The following TUSC3 variants were observed in gnomAD, a reference collection of about 807,000 sequenced individuals.
TUSC3 encodes the protein dolichyl-diphosphooligosaccharide--protein glycosyltransferase subunit TUSC3.
In TUSC3, 45 loss-of-function variants were observed where a neutral mutation model predicts 44.8. That is an observed-to-expected ratio of 1.00 (90% CI 0.79 to 1.29). The LOEUF (loss-of-function observed/expected upper bound fraction) is 1.29, where lower values mean the gene tolerates loss of function less well. Ranked by LOEUF, TUSC3 falls within the 50% of genes most tolerant of loss-of-function variation. TUSC3 has a pLI of 0.00. For synonymous variants in TUSC3, 212 were observed against 152.9 expected (o/e 1.39, Z -2.85); for missense variants, 519 against 437.9 (o/e 1.19, Z -1.65).
chr8:15,680,836 G>C (rs1000177923), intron 6 of TUSC3, among the ~76,000 whole-genome samples: 1 of 152,038 alleles, frequency 6.6e-6, no homozygotes, highest in African/African-American at 2.4e-5. Flanking sequence ...TGCCTATTGT[G>C]ATGATATGGT....
intron 3 of TUSC3, among the ~76,000 whole-genome samples, chr8:15,657,083 C>T (rs1807208650): frequency 6.6e-6 from 1 of 152,152 alleles, no homozygotes; most frequent in South Asian, 2.1e-4. Flanking sequence ...TCTGAAATGC[C>T]TTCAGGGTCT....
chr8:15,780,084 G>A, the TUSC3 span, among the ~76,000 whole-genome samples: 2 of 152,186 alleles, frequency 1.3e-5, no homozygotes, highest in Non-Finnish European at 2.9e-5. Context: ...ATATGGTGAT[G>A]TCAGCAACAT....
chr8:15,529,556 CATT>C (rs1424922078), intron 2 of TUSC3, among the ~76,000 whole-genome samples: 1 of 152,090 alleles, frequency 6.6e-6, no homozygotes, highest in South Asian at 2.1e-4. Flanking sequence ...AGAAAACAGT[CATT>C]ATAGAAAATT....
At chr8:15,814,724 G>A in the TUSC3 span, among the ~76,000 whole-genome samples, 3 of 152,114 alleles carry the variant, frequency 2.0e-5, no homozygotes, top group African/African-American at 7.2e-5. Flanking sequence ...AACTTCAGCT[G>A]ACCTGTGGAC....
At chr8:15,807,252 T>G in the TUSC3 span, 1 of 632,246 alleles carries the variant, frequency 1.6e-6, no homozygotes, top group South Asian at 1.7e-5. Flanking sequence ...ATTATGCTCT[T>G]CCATCTTTGC....
chr8:15,454,451 A>G (rs1297269937), intron 1 of TUSC3, among the ~76,000 whole-genome samples: 1 of 152,158 alleles, frequency 6.6e-6, no homozygotes, highest in Non-Finnish European at 1.5e-5. Flanking sequence ...ACAGACGTAG[A>G]CCAATAGGTT....
At chr8:15,502,037 G>T (rs1012578615) in intron 2 of TUSC3, among the ~76,000 whole-genome samples, 15 of 151,808 alleles carry the variant, frequency 9.9e-5, no homozygotes, top group African/African-American at 3.6e-4. Flanking sequence ...TCATCTATTG[G>T]TTTCCTTTAT....
chr8:15,715,836 A>T (rs368042416), intron 6 of TUSC3, among the ~76,000 whole-genome samples: 1 of 152,168 alleles, frequency 6.6e-6, no homozygotes, highest in African/African-American at 2.4e-5. Flanking sequence ...TGTTTTTCCT[A>T]AGGTTTTCCA....
intron 9 of TUSC3, chr8:15,748,827 A>G (rs553374644): frequency 6.5e-6 from 3 of 461,586 alleles, no homozygotes; most frequent in East Asian, 1.2e-4. Flanking sequence ...ATTGTCTAAT[A>G]AACTTTGTAT....
chr8:15,607,528 A>C (rs901226149), intron 1 of TUSC3, among the ~76,000 whole-genome samples: 1 of 152,206 alleles, frequency 6.6e-6, no homozygotes, highest in South Asian at 2.1e-4. Flanking sequence ...ATTGTCATTA[A>C]GTAAAATTTA....
intron 6 of TUSC3, among the ~76,000 whole-genome samples, chr8:15,693,934 G>T (rs1205432988): frequency 3.3e-5 from 5 of 151,846 alleles, no homozygotes; most frequent in Non-Finnish European, 7.4e-5. Flanking sequence ...TTGTGCTGTT[G>T]ATACTTGCGA....
intron 1 of TUSC3, among the ~76,000 whole-genome samples, chr8:15,541,970 C>T (rs1801707238): frequency 6.6e-6 from 1 of 150,724 alleles, no homozygotes; most frequent in Admixed American, 6.6e-5. Flanking sequence ...GGGTGTGAAC[C>T]CCAAAGTATT....
upstream of TUSC3, among the ~76,000 whole-genome samples, chr8:15,537,358 A>G (rs552810217): frequency 2.6e-5 from 4 of 152,228 alleles, no homozygotes; most frequent in Admixed American, 6.5e-5. Context: ...AAACCAATGC[A>G]TTTCTTAAAT....
chr8:15,434,781 T>C (rs7840081), intron 1 of TUSC3, among the ~76,000 whole-genome samples: 37,730 of 151,348 alleles, frequency 0.25, 5,368 homozygotes, highest in African/African-American at 0.38. Context: ...TGAGAACATG[T>C]GGTGTTTGGT....
At chr8:15,681,635 G>C (rs1036011029) in intron 6 of TUSC3, among the ~76,000 whole-genome samples, 7 of 149,044 alleles carry the variant, frequency 4.7e-5, no homozygotes, top group African/African-American at 1.5e-4. Context: ...TGGTTTCATT[G>C]ATTCTTTATA....
At chr8:15,492,050 C>T (rs1395961372) in intron 2 of TUSC3, among the ~76,000 whole-genome samples, 1 of 152,152 alleles carries the variant, frequency 6.6e-6, no homozygotes, top group Non-Finnish European at 1.5e-5. Context: ...GCCTTTACTC[C>T]TCATATTCCT....
At chr8:15,745,872 C>T (rs1811393015) in intron 8 of TUSC3, among the ~76,000 whole-genome samples, 1 of 124,374 alleles carries the variant, frequency 8.0e-6, no homozygotes, top group African/African-American at 2.7e-5. Flanking sequence ...AATGTTGAGA[C>T]AGGCATTTCC....
the TUSC3 span, among the ~76,000 whole-genome samples, chr8:15,835,846 A>G: frequency 1.9e-5 from 2 of 102,582 alleles, no homozygotes; most frequent in African/African-American, 5.7e-5. Flanking sequence ...TTCATCTATC[A>G]TGGACTGAAA....
At chr8:15,443,385 G>C (rs1800047323) in intron 1 of TUSC3, among the ~76,000 whole-genome samples, 1 of 132,350 alleles carries the variant, frequency 7.6e-6, no homozygotes, top group Non-Finnish European at 1.6e-5. Context: ...TGTGTGTAAA[G>C]ATGGGGTTTC....
Sources: allele counts gnomAD v4.1 joint callset (sites outside exome capture counted in the v4.1 genomes callset), GRCh38; gene constraint gnomAD v4.1.1; transcripts MANE v1.5; gene names NCBI Gene and HGNC (gene_info 2026-07-23, HGNC 2026-07-21).